PPARGC1B: variants seen among roughly 807,000 people sequenced by gnomAD.
The protein encoded by PPARGC1B is peroxisome proliferator-activated receptor gamma coactivator 1-beta.
PPARGC1B carries 34 observed loss-of-function variants against 101.6 expected under a neutral mutation model. The ratio of observed to expected loss-of-function variants is 0.33; its 90% CI spans 0.25 to 0.45. The LOEUF is 0.45. Ranked by LOEUF, PPARGC1B falls within the 20% of genes least tolerant of loss-of-function variation. The pLI is 1.00. For synonymous variants in PPARGC1B, 548 were observed against 539.3 expected (o/e 1.02, Z -0.22); for missense variants, 1,234 against 1,317.6 (o/e 0.94, Z 0.98).
intron 3 of PPARGC1B, among the ~76,000 whole-genome samples, chr5:149,828,304 A>G (rs1181220624): frequency 6.6e-6 from 1 of 152,156 alleles, no homozygotes; most frequent in Non-Finnish European, 1.5e-5. Flanking sequence ...CTAGGTTTGA[A>G]TCCCAGCCCT....
chr5:149,815,693 C>T (rs375724857), intron 1 of PPARGC1B, among the ~76,000 whole-genome samples: 2 of 152,278 alleles, frequency 1.3e-5, no homozygotes, highest in South Asian at 4.1e-4. Context: ...ATTACAGGCA[C>T]CCGCCGCCAT....
chr5:149,819,734 C>T (rs1363917239), intron 1 of PPARGC1B, among the ~76,000 whole-genome samples: 1 of 152,192 alleles, frequency 6.6e-6, no homozygotes, highest in Non-Finnish European at 1.5e-5. Context: ...AACCCCTGAC[C>T]TCGAATGATC....
At chr5:149,824,455 C>T (rs1307639065) in intron 2 of PPARGC1B, among the ~76,000 whole-genome samples, 2 of 152,206 alleles carry the variant, frequency 1.3e-5, no homozygotes, top group Non-Finnish European at 2.9e-5. Flanking sequence ...CTACAAAGCA[C>T]TCTCATTACT....
chr5:149,794,251 C>T (rs186927623), intron 1 of PPARGC1B, among the ~76,000 whole-genome samples: 1 of 152,176 alleles, frequency 6.6e-6, no homozygotes, highest in East Asian at 1.9e-4. Flanking sequence ...ATGTTGTCAC[C>T]CCATGTGTTG....
At position 149,832,947 on chromosome 5, in the gene PPARGC1B, C is replaced by A. The variant is rs11959820; in HGVS notation, c.874C>A (p.Arg292Ser). The change falls in exon 5 of 12, where the codon CGC (arginine) becomes AGC (serine). Residue 292 changes from arginine to serine, a missense_variant. Transcript: ENST00000309241. This position sits in a 1 kb window ranked among gnomAD's most constrained non-coding sequence, Gnocchi z 4.9. Reference protein sequence around the residue: ...EDMQAMVQLIRYMHTYCLPQR... With the variant: ...EDMQAMVQLISYMHTYCLPQR... The stretch of plus-strand genomic sequence containing the variant: ...CATGCAGGCGATGGTGCAACTCATA[C>A]GCTACATGCACACCTACTGCCTCCC... 68,729 of 1,613,134 alleles carry A rather than the reference C, an allele frequency of 0.043. 2,546 individuals are homozygous for A. Among genetic ancestry groups the A allele is most frequent in the African/African-American group, 0.17 (12,974 of 74,988 alleles).
chr5:149,796,161 T>TG (rs1327771831), intron 1 of PPARGC1B, among the ~76,000 whole-genome samples: 1 of 152,068 alleles, frequency 6.6e-6, no homozygotes, highest in East Asian at 1.9e-4. Context: ...AGCCATGCGA[T>TG]GGAGAGTGTG....
chr5:149,832,775 A>G lies in PPARGC1B; in HGVS notation c.702A>G (p.Pro234=), dbSNP rs35924698. Residue 234 remains proline, a synonymous_variant, in exon 5 of 12, where the codon CCA becomes CCG. Coordinates refer to ENST00000309241, the MANE Select transcript of PPARGC1B (RefSeq NM_133263.4). This position sits in a 1 kb window ranked among gnomAD's most constrained non-coding sequence, Gnocchi z 4.9. ...QCCLQDRGLQ[P]PCLQSPRLPA... is the part of the protein sequence containing the mutation. Reference sequence around the variant, plus strand: ...GCCTGCAGGATCGGGGTCTGCAGCCACCATGCCTCCAGAGTCCCCGGCTCC... The same window carrying G: ...GCCTGCAGGATCGGGGTCTGCAGCCGCCATGCCTCCAGAGTCCCCGGCTCC... The G allele has an allele frequency of 1.2e-6, 2 of 1,613,122 alleles. No homozygotes were observed. The highest frequency in any genetic ancestry group is 2.2e-5 in the South Asian group (2 of 90,976).
At chr5:149,778,943 G>A (rs1756494874) in intron 1 of PPARGC1B, among the ~76,000 whole-genome samples, 1 of 152,162 alleles carries the variant, frequency 6.6e-6, no homozygotes, top group Admixed American at 6.5e-5. Flanking sequence ...CCCATGCCTA[G>A]CATCTGTGTT....
rs1758893197 is a variant in PPARGC1B at position 149,833,376 on chromosome 5, G to C, written c.1303G>C (p.Glu435Gln). The change falls in exon 5 of 12, where the codon GAA becomes CAA. Residue 435 changes from glutamate to glutamine, a missense_variant. Physicochemically the swap from Glu to Gln is conservative, Grantham distance 29. Transcript: ENST00000309241. This position sits in a 1 kb window ranked among gnomAD's most constrained non-coding sequence, Gnocchi z 4.1. Reference protein sequence around the residue: ...RLQQQEEEDEEEEEEEEEEEK... With the variant: ...RLQQQEEEDEQEEEEEEEEEK... ...GCAGCAGCAGGAGGAGGAAGACGAG[G>C]AAGAAGAGGAGGAGGAAGAGGAAGA... 1 of 1,613,316 alleles carries C rather than the reference G, an allele frequency of 6.2e-7. No individual in the cohort carries two copies. The highest frequency in any genetic ancestry group is 1.3e-5 in the African/African-American group (1 of 74,932).
At chr5:149,742,830 G>C (rs1177893080) in intron 1 of PPARGC1B, among the ~76,000 whole-genome samples, 1 of 152,166 alleles carries the variant, frequency 6.6e-6, no homozygotes, top group Non-Finnish European at 1.5e-5. Context: ...TGCAGTGGTG[G>C]CTAATTTGGC....
At chr5:149,760,504 G>A (rs1016151473) in intron 1 of PPARGC1B, among the ~76,000 whole-genome samples, 4 of 152,206 alleles carry the variant, frequency 2.6e-5, no homozygotes, top group African/African-American at 9.7e-5. Context: ...GAGTGGGTGT[G>A]AGAATTAAAT....
intron 2 of PPARGC1B, among the ~76,000 whole-genome samples, chr5:149,824,338 T>C (rs1208377174): frequency 6.6e-6 from 1 of 152,206 alleles, no homozygotes; most frequent in African/African-American, 2.4e-5. Flanking sequence ...GACACTGAAC[T>C]TAGCCTCCCG....
intron 1 of PPARGC1B, among the ~76,000 whole-genome samples, chr5:149,739,547 T>A (rs1171060899): frequency 6.6e-6 from 1 of 152,168 alleles, no homozygotes; most frequent in Non-Finnish European, 1.5e-5. Flanking sequence ...GAGGTCCAGC[T>A]GCTTGGCTGG....
chr5:149,773,804 G>C (rs1261444155), intron 1 of PPARGC1B, among the ~76,000 whole-genome samples: 1 of 152,094 alleles, frequency 6.6e-6, no homozygotes, highest in East Asian at 1.9e-4. Context: ...ATCCCTCTCA[G>C]ATGGGAGCTG....
Position 149,833,119 on chromosome 5 carries a change from A to G in PPARGC1B, c.1046A>G (p.Gln349Arg), listed in dbSNP as rs1758873044. Reference protein sequence around the residue: ...EFSILRELLAQDVLCDVSKPY... With the variant: ...EFSILRELLARDVLCDVSKPY... ...TCCATTCTGAGGGAACTTCTGGCTC[A>G]AGACGTGCTCTGTGATGTCAGCAAA... Residue 349 changes from glutamine (Q) to arginine (R), a missense_variant, in exon 5 of 12, where the codon CAA (glutamine) becomes CGA (arginine). By Grantham distance (43) the Gln-to-Arg change is conservative (BLOSUM62 1). Transcript: ENST00000309241. The surrounding 1 kb of genome is among the most constrained non-coding windows in gnomAD (Gnocchi z 4.1). 2 of 1,613,814 alleles carry G rather than the reference A, an allele frequency of 1.2e-6. No homozygotes were observed. The highest frequency in any genetic ancestry group is 4.5e-5 in the East Asian group (2 of 44,880).
intron 1 of PPARGC1B, among the ~76,000 whole-genome samples, chr5:149,803,203 A>C (rs1404351590): frequency 6.6e-6 from 1 of 152,172 alleles, no homozygotes; most frequent in Non-Finnish European, 1.5e-5. Context: ...TACTATTAGC[A>C]CAGAGGATTC....
In PPARGC1B at chr5:149,737,345, G is replaced by T. The variant is rs60681465; in HGVS notation, c.78+6925G>T. Reference sequence around the variant, plus strand: ...AGAGTTAGGCCCTTGACTTTGTCTTGAGCTGTCTGCTTTTACTTTGGGATC... The same window carrying T: ...AGAGTTAGGCCCTTGACTTTGTCTTTAGCTGTCTGCTTTTACTTTGGGATC... On this transcript the variant is annotated intron_variant, in intron 1 of 11. Transcript: ENST00000309241. Among the ~76,000 whole-genome samples, 1,370 of 152,196 alleles carry T rather than the reference G, an allele frequency of 9.0e-3. 15 individuals carry two copies. Among genetic ancestry groups the T allele is most frequent in the African/African-American group, 0.031 (1,303 of 41,518 alleles).
chr5:149,808,255 C>T (rs568215285), intron 1 of PPARGC1B, among the ~76,000 whole-genome samples: 6 of 152,212 alleles, frequency 3.9e-5, no homozygotes, highest in African/African-American at 1.4e-4. Flanking sequence ...GTGTAAGGCA[C>T]CCTAATTCCA....
rs756332990 is a variant in PPARGC1B at position 149,836,759 on chromosome 5, T to C, written c.2304T>C (p.Phe768=). Residue 768 remains phenylalanine (F), a synonymous_variant, in exon 8 of 12, where the codon TTT becomes TTC. Transcript: ENST00000309241. ...HEIRASLTKH[F]GLLETALEEE... ...TCCGTGCCAGCCTCACCAAACACTT[T>C]GGGCTGCTGGAGACCGCCCTGGAGG... is the stretch of plus-strand genomic sequence containing the variant. 7.4e-6 allele frequency: 12 copies of C among 1,613,564 alleles called. No individual in the cohort carries two copies. In the Admixed American group the frequency reaches 1.8e-4, roughly 25 times the overall value.
Sources: allele counts gnomAD v4.1 joint callset (sites outside exome capture counted in the v4.1 genomes callset), GRCh38; gene constraint gnomAD v4.1.1; non-coding constraint Gnocchi (gnomAD v3.1); transcripts MANE v1.5; gene names NCBI Gene and HGNC (gene_info 2026-07-23, HGNC 2026-07-21).